Variants in KLK6 observed in about 807,000 individuals in gnomAD.
KLK6 encodes the protein kallikrein-6.
In KLK6, 16 loss-of-function variants were observed where a neutral mutation model predicts 21.7. The ratio of observed to expected loss-of-function variants is 0.74; its 90% CI spans 0.50 to 1.12. KLK6 has a LOEUF of 1.12. Ranked by LOEUF, KLK6 falls within the 50% of genes most tolerant of loss-of-function variation. KLK6 has a pLI of 0.00. For missense variants in KLK6, 276 were observed against 304.6 expected (o/e 0.91, Z 0.70); for synonymous variants, 116 against 120.1 (o/e 0.97, Z 0.22).
At chr19:50,965,348 G>A (rs925501666) in intron 4 of KLK6, among the ~76,000 whole-genome samples, 1 of 151,156 alleles carries the variant, frequency 6.6e-6, no homozygotes, top group Non-Finnish European at 1.5e-5. Context: ...GCAGTGGCGC[G>A]ATCTCGGCTC....
intron 3 of KLK6, among the ~76,000 whole-genome samples, 165 bp downstream of exon 3, chr19:50,967,900 C>T (rs1285982370): frequency 6.6e-6 from 1 of 151,686 alleles, no homozygotes; most frequent in Non-Finnish European, 1.5e-5. Flanking sequence ...CACCACCCTC[C>T]CTATCTGTAT....
chr19:50,963,286 G>T lies in KLK6; in HGVS notation c.445+16C>A. The T allele has an allele frequency of 6.2e-7, 1 of 1,604,116 alleles. No homozygotes were observed. The highest frequency in any genetic ancestry group is 8.5e-7 in the Non-Finnish European group (1 of 1,172,414). The stretch of plus-strand genomic sequence containing the variant: ...GTAGCCAGTAGCCTGCTCCCCACCA[G>T]CCTCCCACTACTGACCATCTGCTGT... On this transcript the variant is annotated intron_variant, in intron 5 of 6. Transcript: ENST00000310157.
At chr19:50,967,423 C>A in intron 3 of KLK6, 98 bp from the exon 4 acceptor site, 1 of 1,207,096 alleles carries the variant, frequency 8.3e-7, no homozygotes, top group Non-Finnish European at 1.1e-6. Flanking sequence ...GGTGCAGTGG[C>A]TTATGCCTGT....
rs555575387 is a variant in KLK6 at position 50,968,225 on chromosome 19, C to G, written c.-8-113G>C. ...TTCCTGGCCTGCTATGGTCTCCTGC[C>G]TTGACCTCTGTCCTTCCCATCTAGC... is the stretch of plus-strand genomic sequence containing the variant. On this transcript the variant is annotated intron_variant, in intron 2 of 6. Transcript: ENST00000310157. The G allele has an allele frequency of 1.9e-5, 18 of 942,270 alleles. No individual in the cohort carries two copies. The South Asian group carries it at 2.3e-4, about 12-fold the overall frequency. 58.4% of individuals were successfully genotyped at this position (942,270 alleles called of 1,614,324 possible).
chr19:50,958,961 C>T lies in KLK6; in HGVS notation c.*203G>A. 1.6e-6 allele frequency: 1 copy of T among 613,468 alleles called. No individual in the cohort carries two copies. The highest frequency in any genetic ancestry group is 2.8e-5 in the East Asian group (1 of 36,050). The allele number at this position is 613,468 out of a possible 1,614,324, so 38.0% of individuals were successfully genotyped here. A position where few individuals can be genotyped will look rare whatever the true frequency, so the allele number is the denominator to read the frequency against. On this transcript the variant is annotated 3_prime_UTR_variant, in exon 7 of 7. Coordinates refer to ENST00000310157, the MANE Select transcript of KLK6 (RefSeq NM_002774.4). ...TGGGGGTAAGACCGAGGACCCAAGT[C>T]CTCACTCATCACGTCCTCCCCAGTG... is the stretch of plus-strand genomic sequence containing the variant.
chr19:50,963,081 C>T (rs997385305), intron 5 of KLK6, among the ~76,000 whole-genome samples: 3 of 152,178 alleles, frequency 2.0e-5, no homozygotes, highest in African/African-American at 4.8e-5. Context: ...ATGCTATTCA[C>T]CCATTGGTCT....
intron 6 of KLK6, among the ~76,000 whole-genome samples, chr19:50,959,960 A>G (rs1356742053): frequency 2.8e-5 from 2 of 70,884 alleles, no homozygotes; most frequent in African/African-American, 6.7e-5. Flanking sequence ...GGGAGGAGGA[A>G]GAGGAGGAGG....
At chr19:50,960,589 T>C (rs12459585) in intron 6 of KLK6, among the ~76,000 whole-genome samples, 53,950 of 151,798 alleles carry the variant, frequency 0.36, 10,900 homozygotes, top group East Asian at 0.65. Flanking sequence ...TCCTTACTAC[T>C]TCTCTTTGGT....
intron 3 of KLK6, among the ~76,000 whole-genome samples, 175 bp downstream of exon 3, chr19:50,967,879 AACCCACCTCCC>A (rs942505913): frequency 2.0e-5 from 3 of 150,466 alleles, no homozygotes; most frequent in Admixed American, 6.6e-5. Context: ...CATATCTTCA[AACCCACCTCCC>A]ACCACCCTCC....
chr19:50,967,955 C>G (rs1482444349), intron 3 of KLK6, 110 bp downstream of exon 3: 1 of 933,124 alleles, frequency 1.1e-6, no homozygotes, highest in African/African-American at 1.7e-5. Context: ...CATTTCAAAG[C>G]TCCCCCACCC....
In KLK6 at chr19:50,968,162, C is replaced by A. The variant is rs766796822; in HGVS notation, c.-8-50G>T. 5.2e-6 allele frequency: 8 copies of A among 1,538,906 alleles called. No homozygotes were observed. The Admixed American group carries it at 1.0e-4, about 19-fold the overall frequency. On this transcript the variant is annotated intron_variant, in intron 2 of 6. Coordinates refer to ENST00000310157, the MANE Select transcript of KLK6 (RefSeq NM_002774.4). ...ATTAGTCACTGCCTCGACCCTCCCCCCATCCCTCTGTCTGCTCCCTCTGCA... is the reference window on the plus strand; with the variant it reads ...ATTAGTCACTGCCTCGACCCTCCCCACATCCCTCTGTCTGCTCCCTCTGCA...
At chr19:50,965,622 G>A (rs2090914498) in intron 4 of KLK6, among the ~76,000 whole-genome samples, 1 of 152,196 alleles carries the variant, frequency 6.6e-6, no homozygotes, top group South Asian at 2.1e-4. Context: ...GCTCCCGAGG[G>A]CAGGGATGAC....
intron 5 of KLK6, among the ~76,000 whole-genome samples, chr19:50,963,001 C>T (rs141190063): frequency 2.0e-5 from 3 of 152,244 alleles, no homozygotes; most frequent in African/African-American, 7.2e-5. Context: ...CTTTGACATC[C>T]TTCCTGATTA....
At chr19:50,968,243 C>T in intron 2 of KLK6, 131 bp from the exon 3 acceptor site, 1 of 795,196 alleles carries the variant, frequency 1.3e-6, no homozygotes. Flanking sequence ...CTGTCCTTCC[C>T]ATCTAGCCTC....
Position 50,968,538 on chromosome 19 carries a change from C to CTGTG in KLK6, c.-9+2_-9+3insCACA, listed in dbSNP as rs1600100982. 1 of 130,994 alleles carries CTGTG rather than the reference C, an allele frequency of 7.6e-6. No homozygotes were observed. Among genetic ancestry groups the CTGTG allele is most frequent in the East Asian group, 2.0e-4 (1 of 4,932 alleles). 8.1% of individuals were successfully genotyped at this position (130,994 alleles called of 1,614,324 possible). On this transcript the variant is annotated splice_region_variant and intron_variant, in intron 2 of 6. Coordinates refer to ENST00000310157, the MANE Select transcript of KLK6 (RefSeq NM_002774.4). ...GCAGGTTCTGTGATGTCTGTGATCT[C>CTGTG]ACCTGCTGCAGGCCTCCGGGCTCCG...
intron 6 of KLK6, 47 bp from the exon 7 acceptor site, chr19:50,959,363 C>CTG (rs71185782): frequency 0.079 from 66,275 of 835,950 alleles, 1,323 homozygotes; most frequent in Non-Finnish European, 0.082. Context: ...AACCCAGAGA[C>CTG]TGTGTGTGTG....
At position 50,962,998 on chromosome 19, in the gene KLK6, A is replaced by T. The variant is rs374489287; in HGVS notation, c.445+304T>A. ...TGATCAGTCCCCTTTGACCTTTGAC[A>T]TCCTTCCTGATTAGCATCTCCCCAC... On this transcript the variant is annotated intron_variant, in intron 5 of 6. Coordinates refer to ENST00000310157, the MANE Select transcript of KLK6 (RefSeq NM_002774.4). Among the ~76,000 whole-genome samples the T allele has an allele frequency of 5.9e-5, 9 of 152,052 alleles. No individual in the cohort carries two copies. The East Asian group carries it at 1.7e-3, about 29-fold the overall frequency.
At chr19:50,959,396 TGTGTG>T in intron 6 of KLK6, 80 bp from the exon 7 acceptor site, 3 of 1,172,510 alleles carry the variant, frequency 2.6e-6, no homozygotes, top group Non-Finnish European at 3.5e-6. Context: ...TGTGTGTGTG[TGTGTG>T]TGTGTGTGAC....
At chr19:50,960,020 G>GGAGGAGGAA (rs1555780201) in intron 6 of KLK6, among the ~76,000 whole-genome samples, 1 of 103,142 alleles carries the variant, frequency 9.7e-6, no homozygotes, top group African/African-American at 4.0e-5. Flanking sequence ...AGGAGAAGGA[G>GGAGGAGGAA]GAGGAGGAGG....
Sources: allele counts gnomAD v4.1 joint callset (sites outside exome capture counted in the v4.1 genomes callset), GRCh38; gene constraint gnomAD v4.1.1; transcripts MANE v1.5; gene names NCBI Gene and HGNC (gene_info 2026-07-23, HGNC 2026-07-21).